Variants in DAG1 observed in about 807,000 individuals in gnomAD.
DAG1 encodes dystroglycan 1 (dystrophin-associated glycoprotein 1).
Under a neutral mutation model 46.1 loss-of-function variants are expected in DAG1, and 8 were observed. The ratio of observed to expected loss-of-function variants is 0.17; its 90% confidence interval spans 0.10 to 0.31. The LOEUF is 0.31. Ranked by LOEUF, DAG1 falls within the 10% of genes least tolerant of loss-of-function variation. The pLI, the probability that DAG1 is intolerant of heterozygous loss-of-function variation, is 1.00. For synonymous variants in DAG1, 495 were observed against 481.8 expected (o/e 1.03, Z -0.36); for missense variants, 1,003 against 1,189.9 (o/e 0.84, Z 2.31).
intron 1 of DAG1, among the ~76,000 whole-genome samples, chr3:49,477,622 A>G (rs1040048309): frequency 6.6e-6 from 1 of 152,184 alleles, no homozygotes. Context: ...ATAGTGGAGG[A>G]AAAGCTCTAT....
At chr3:49,480,887 G>A (rs374291568) in intron 1 of DAG1, among the ~76,000 whole-genome samples, 2 of 133,924 alleles carry the variant, frequency 1.5e-5, no homozygotes, top group East Asian at 4.2e-4. Flanking sequence ...TCAGCCTCCC[G>A]AGTAGCTGGG....
intron 1 of DAG1, among the ~76,000 whole-genome samples, chr3:49,482,660 AT>A (rs1448858445): frequency 1.3e-5 from 2 of 152,164 alleles, no homozygotes. Flanking sequence ...TTTTGTCCTT[AT>A]TATGATGCAA....
At chr3:49,507,098 T>C (rs11713497) in intron 1 of DAG1, among the ~76,000 whole-genome samples, 149,564 of 152,258 alleles carry the variant, frequency 0.98, 73,526 homozygotes, top group Middle Eastern at 1. Context: ...TGCCTGTAAT[T>C]CCAGAACTTT....
Position 49,530,850 on chromosome 3 carries a change from G to A in DAG1, c.339G>A (p.Gln113=), listed in dbSNP as rs1445852629. ...CATCTTGGCTGCACTGGGACTCACA[G>A]AGCCACACCCTGGAGGGCCTCCCCC... is the stretch of plus-strand genomic sequence containing the variant. ...ALPSWLHWDS[Q]SHTLEGLPLD... Residue 113 remains glutamine (Q), a synonymous_variant, in exon 3 of 3, where the codon CAG becomes CAA. Transcript: ENST00000308775. The A allele has an allele frequency of 2.5e-6, 4 of 1,614,218 alleles. No individual in the cohort carries two copies. In the East Asian group the frequency reaches 8.9e-5, roughly 36 times the overall value.
Position 49,507,631 on chromosome 3 carries a change from C to CT in DAG1, c.-116-2779dup, listed in dbSNP as rs556207080. Among the ~76,000 whole-genome samples, 1,009 of 148,830 alleles carry CT rather than the reference C, an allele frequency of 6.8e-3. 8 individuals are homozygous for CT. The highest frequency in any genetic ancestry group is 0.024 in the African/African-American group (957 of 40,656). On this transcript the variant is annotated intron_variant, in intron 1 of 2. Transcript: ENST00000308775. ...TTAATATTTTTCTTTTCTTTTTTTT[C>CT]TTTTTTTTTCTTTTTCTTTTTCTTT...
chr3:49,510,027 CTTGT>C (rs765780363), intron 1 of DAG1, among the ~76,000 whole-genome samples: 4 of 152,308 alleles, frequency 2.6e-5, no homozygotes, highest in Admixed American at 1.3e-4. Context: ...CGGTGCCCGT[CTTGT>C]TTAATACATT....
intron 2 of DAG1, among the ~76,000 whole-genome samples, chr3:49,520,761 C>T (rs984217870): frequency 2.6e-5 from 4 of 152,198 alleles, no homozygotes; most frequent in Non-Finnish European, 5.9e-5. Flanking sequence ...AAATCAGTTT[C>T]TCGATTATGT....
At chr3:49,520,886 C>G (rs2051009985) in intron 2 of DAG1, among the ~76,000 whole-genome samples, 1 of 152,056 alleles carries the variant, frequency 6.6e-6, no homozygotes, top group South Asian at 2.1e-4. Flanking sequence ...GATAAGACAT[C>G]ATCTTGTGGG....
chr3:49,501,921 G>A (rs559708903), intron 1 of DAG1, among the ~76,000 whole-genome samples: 6 of 152,184 alleles, frequency 3.9e-5, no homozygotes, highest in African/African-American at 1.4e-4. Flanking sequence ...GCTCACGCCT[G>A]TTCCCAACAC....
chr3:49,471,137 T>G (rs1036719722), intron 1 of DAG1: 1 of 152,222 alleles, frequency 6.6e-6, no homozygotes, highest in Non-Finnish European at 1.5e-5. Context: ...TAAATCGAGT[T>G]GCTTCAGAAT....
chr3:49,526,409 A>G (rs2051172775), intron 2 of DAG1, among the ~76,000 whole-genome samples: 1 of 152,234 alleles, frequency 6.6e-6, no homozygotes. Context: ...CCATGGGTAG[A>G]CAATAGTAAA....
Position 49,531,765 on chromosome 3 carries a change from C to CCCT in DAG1, c.1257_1259dup (p.Pro420dup). Reference sequence around the variant, plus strand: ...ATGTGGAGCCTACTGCAGTTGCTACCCCTCCCACAACCACCACCAAGAAGC... The same window carrying CCCT: ...ATGTGGAGCCTACTGCAGTTGCTACCCCTCCTCCCACAACCACCACCAAGAAGC... On this transcript the variant is annotated inframe_insertion, in exon 3 of 3. Coordinates refer to ENST00000308775, the MANE Select transcript of DAG1 (RefSeq NM_004393.6). This position sits in a 1 kb window ranked among gnomAD's most constrained non-coding sequence, Gnocchi z 7.0. 2 of 1,614,046 alleles carry CCCT rather than the reference C, an allele frequency of 1.2e-6. No individual in the cohort carries two copies. The highest frequency in any genetic ancestry group is 1.7e-6 in the Non-Finnish European group (2 of 1,179,998).
chr3:49,513,180 A>G (rs1002073047), intron 2 of DAG1, among the ~76,000 whole-genome samples: 6 of 151,982 alleles, frequency 3.9e-5, no homozygotes, highest in Non-Finnish European at 7.4e-5. Flanking sequence ...ATTCACTTCT[A>G]AGTTGGCTCA....
intron 1 of DAG1, among the ~76,000 whole-genome samples, chr3:49,503,594 G>A (rs1463859224): frequency 6.6e-6 from 1 of 152,128 alleles, no homozygotes. Flanking sequence ...AAGTTTGAGA[G>A]GCCAAGGTGG....
intron 1 of DAG1, among the ~76,000 whole-genome samples, chr3:49,507,141 A>G (rs1273102809): frequency 6.6e-6 from 1 of 152,142 alleles, no homozygotes; most frequent in African/African-American, 2.4e-5. Context: ...ACTTGAGGTC[A>G]GGAGTTCAGG....
chr3:49,495,854 A>T (rs1446985057), intron 1 of DAG1, among the ~76,000 whole-genome samples: 2 of 152,030 alleles, frequency 1.3e-5, no homozygotes, highest in African/African-American at 4.8e-5. Context: ...CGGAAGGCAG[A>T]GTTTGCAGTG....
At chr3:49,507,835 G>C (rs1483978837) in intron 1 of DAG1, among the ~76,000 whole-genome samples, 1 of 151,682 alleles carries the variant, frequency 6.6e-6, no homozygotes, top group African/African-American at 2.4e-5. Context: ...TATCCTTTCT[G>C]CCTCTGTAAA....
chr3:49,503,467 A>G (rs995819378), intron 1 of DAG1, among the ~76,000 whole-genome samples: 1 of 152,182 alleles, frequency 6.6e-6, no homozygotes, highest in Admixed American at 6.6e-5. Flanking sequence ...TACCTATCAC[A>G]TGCATTGAAA....
chr3:49,490,380 A>G (rs555942557), intron 1 of DAG1, among the ~76,000 whole-genome samples: 12 of 148,504 alleles, frequency 8.1e-5, no homozygotes, highest in Admixed American at 5.4e-4. Context: ...TTTTTTTTAT[A>G]TAACTTTAAA....
Sources: gnomAD v4.1 joint callset for allele counts (sites outside exome capture counted in the v4.1 genomes callset) on GRCh38, gnomAD v4.1.1 for gene constraint, Gnocchi (gnomAD v3.1) non-coding constraint, MANE v1.5 for transcripts, NCBI Gene and HGNC (gene_info 2026-07-23, HGNC 2026-07-21) for gene names.